Variants in DDAH1 observed in about 807,000 individuals in gnomAD.
The protein encoded by DDAH1 is N(G),N(G)-dimethylarginine dimethylaminohydrolase 1.
DDAH1 carries 19 observed loss-of-function variants against 28.8 expected under a neutral mutation model. The ratio of observed to expected loss-of-function variants is 0.66; its 90% CI spans 0.46 to 0.97. DDAH1 has a LOEUF of 0.97. Ranked by LOEUF, DDAH1 falls within the 50% of genes least tolerant of loss-of-function variation. The pLI, the probability that DDAH1 is intolerant of heterozygous loss-of-function variation, is 0.00. For synonymous variants in DDAH1, 153 were observed against 154.4 expected (o/e 0.99, Z 0.07); for missense variants, 326 against 375.9 (o/e 0.87, Z 1.10).
chr1:85,456,082 C>T (rs1167713318), intron 1 of DDAH1, among the ~76,000 whole-genome samples: 7 of 149,968 alleles, frequency 4.7e-5, no homozygotes, highest in African/African-American at 4.9e-5. Context: ...CCCTACAACC[C>T]GGGTTCCAAA....
chr1:85,506,868 A>T (rs1397386059), intron 1 of DDAH1, among the ~76,000 whole-genome samples: 2 of 152,180 alleles, frequency 1.3e-5, no homozygotes, highest in African/African-American at 4.8e-5. Context: ...AGACAGAAAC[A>T]TAGGAGGCCA....
At position 85,507,527 on chromosome 1, in the gene DDAH1, T is replaced by TAAATAAATAAATAAATAAAC. The variant is rs71075841; in HGVS notation, c.-122-11247_-122-11246insGTTTATTTATTTATTTATTT. On this transcript the variant is annotated intron_variant, in intron 1 of 6. Transcript: ENST00000426972. ...CACAATAAATAAATAAATAAATAAATAAACAAACAAACAGCATCTCCTAAA... is the reference window on the plus strand; with the variant it reads ...CACAATAAATAAATAAATAAATAAATAAATAAATAAATAAATAAACAAACAAACAAACAGCATCTCCTAAA... 7.5e-3 allele frequency among the ~76,000 whole-genome samples: 1,123 copies of TAAATAAATAAATAAATAAAC among 149,346 alleles called. 10 individuals are homozygous for TAAATAAATAAATAAATAAAC. Among genetic ancestry groups the TAAATAAATAAATAAATAAAC allele is most frequent in the South Asian group, 0.022 (104 of 4,630 alleles).
At chr1:85,384,247 CACAG>C (rs1339434783) in intron 1 of DDAH1, among the ~76,000 whole-genome samples, 1 of 152,158 alleles carries the variant, frequency 6.6e-6, no homozygotes, top group Non-Finnish European at 1.5e-5. Context: ...CTTATGCGTG[CACAG>C]ACAAATACAT....
At position 85,394,705 on chromosome 1, in the gene DDAH1, G is replaced by A. The variant is rs116389593; in HGVS notation, c.304-35858C>T. On this transcript the variant is annotated intron_variant, in intron 1 of 5. Coordinates refer to ENST00000284031, the MANE Select transcript of DDAH1 (RefSeq NM_012137.4). ...GAGATAGTGGCCAGCTTTGTTTAAC[G>A]ACCAATTGAAGCATAATTTTTAAGA... Among the ~76,000 whole-genome samples, 957 of 152,240 alleles carry A rather than the reference G, an allele frequency of 6.3e-3. 9 individuals are homozygous for A. Among genetic ancestry groups the A allele is most frequent in the African/African-American group, 0.022 (914 of 41,526 alleles).
intron 1 of DDAH1, among the ~76,000 whole-genome samples, chr1:85,553,653 A>T (rs1240005126): frequency 2.6e-5 from 4 of 152,246 alleles, no homozygotes; most frequent in African/African-American, 7.2e-5. Context: ...GGTCAGAGGC[A>T]TGAACAGATT....
rs550307646 is a variant in DDAH1 at position 85,321,065 on chromosome 1, G to GAAAAAAAAAAAAAAAAAA, written c.*369_*386dup. On this transcript the variant is annotated 3_prime_UTR_variant, in exon 6 of 6. Coordinates refer to ENST00000284031, the MANE Select transcript of DDAH1 (RefSeq NM_012137.4). Reference sequence around the variant, plus strand: ...TTCACAGGAACCAAACATGATTCATGAAAAAAAAAAAAAAAAAAAGCAAGC... The same window carrying GAAAAAAAAAAAAAAAAAA: ...TTCACAGGAACCAAACATGATTCATGAAAAAAAAAAAAAAAAAAAAAAAAAAAAAAAAAAAAAGCAAGC... 2 of 73,290 alleles carry GAAAAAAAAAAAAAAAAAA rather than the reference G, an allele frequency of 2.7e-5. No individual in the cohort carries two copies. The highest frequency in any genetic ancestry group is 5.2e-5 in the Non-Finnish European group (2 of 38,530). 4.5% of individuals were successfully genotyped at this position (73,290 alleles called of 1,614,324 possible). A position where few individuals can be genotyped will look rare whatever the true frequency, so the allele number is the denominator to read the frequency against.
At chr1:85,514,818 A>G (rs1657411284) in intron 1 of DDAH1, among the ~76,000 whole-genome samples, 2 of 152,146 alleles carry the variant, frequency 1.3e-5, no homozygotes, top group South Asian at 4.1e-4. Flanking sequence ...CTTCCTTGGT[A>G]TATCAAAATG....
chr1:85,419,106 T>G (rs1203195477), intron 1 of DDAH1, among the ~76,000 whole-genome samples: 1 of 152,146 alleles, frequency 6.6e-6, no homozygotes, highest in African/African-American at 2.4e-5. Flanking sequence ...ATGACAGATG[T>G]GATTGCTTTT....
intron 1 of DDAH1, among the ~76,000 whole-genome samples, chr1:85,527,662 A>G (rs1484341927): frequency 1.3e-5 from 2 of 152,156 alleles, no homozygotes; most frequent in Admixed American, 6.5e-5. Context: ...GGTACTATAT[A>G]AGTAGGTTAT....
At chr1:85,461,003 C>A (rs1021540535) in intron 1 of DDAH1, among the ~76,000 whole-genome samples, 15 of 152,110 alleles carry the variant, frequency 9.9e-5, no homozygotes, top group Non-Finnish European at 1.6e-4. Flanking sequence ...TAATCCCAGC[C>A]CTTTGGGAGG....
chr1:85,383,701 C>T (rs1415691956), intron 1 of DDAH1, among the ~76,000 whole-genome samples: 1 of 152,210 alleles, frequency 6.6e-6, no homozygotes, highest in Non-Finnish European at 1.5e-5. Context: ...AAAATTGCCA[C>T]AGTCACCTCA....
intron 1 of DDAH1, among the ~76,000 whole-genome samples, chr1:85,416,796 T>C (rs1652907337): frequency 6.6e-6 from 1 of 152,064 alleles, no homozygotes; most frequent in Non-Finnish European, 1.5e-5. Context: ...GTCTTCTGAG[T>C]AGCTGTGACC....
At chr1:85,555,527 C>T (rs1658936695) in intron 1 of DDAH1, among the ~76,000 whole-genome samples, 1 of 152,164 alleles carries the variant, frequency 6.6e-6, no homozygotes, top group South Asian at 2.1e-4. Context: ...TCCTCATCTA[C>T]TCGCCTCATT....
intron 1 of DDAH1, among the ~76,000 whole-genome samples, chr1:85,421,028 C>A (rs1031945272): frequency 6.6e-6 from 1 of 152,040 alleles, no homozygotes; most frequent in Non-Finnish European, 1.5e-5. Flanking sequence ...AGAGAAGGAG[C>A]AAAAGAGAGG....
chr1:85,323,798 C>T (rs1458604649), intron 5 of DDAH1, among the ~76,000 whole-genome samples: 5 of 151,620 alleles, frequency 3.3e-5, no homozygotes, highest in African/African-American at 1.2e-4. Flanking sequence ...TAAGGAGACC[C>T]CGTCTCTACA....
rs144239160 is a variant in DDAH1, at chr1:85,571,584, T to A, written c.-123+6400A>T. Reference sequence around the variant, plus strand: ...TGAAGCAAAGTCCATATATTATTCCTCTTTGCATTGCTGCCTAGCATGCAG... The same window carrying A: ...TGAAGCAAAGTCCATATATTATTCCACTTTGCATTGCTGCCTAGCATGCAG... On this transcript the variant is annotated intron_variant, in intron 1 of 6. Transcript: ENST00000426972. Among the ~76,000 whole-genome samples, 147 of 152,310 alleles carry A rather than the reference T, an allele frequency of 9.7e-4. 2 individuals are homozygous for A. In the East Asian group the frequency reaches 0.024, roughly 25 times the overall value.
Position 85,338,890 on chromosome 1 carries a change from T to A in DDAH1, c.597+11525A>T, listed in dbSNP as rs202221578. 1.9e-4 allele frequency among the ~76,000 whole-genome samples: 26 copies of A among 140,216 alleles called. No homozygotes were observed. The East Asian group carries it at 5.1e-3, about 28-fold the overall frequency. The allele number at this position is 140,216 out of a possible 152,430, so 92.0% of individuals were successfully genotyped here. A position where few individuals can be genotyped will look rare whatever the true frequency, so the allele number is the denominator to read the frequency against. ...CCCATCTCTACTAAAAAAAAAAAAA[T>A]ACAAAAATTAGCTGGGCGTGGTTGT... is the stretch of plus-strand genomic sequence containing the variant. On this transcript the variant is annotated intron_variant, in intron 4 of 5. Coordinates refer to ENST00000284031, the MANE Select transcript of DDAH1 (RefSeq NM_012137.4).
intron 4 of DDAH1, among the ~76,000 whole-genome samples, chr1:85,334,134 T>C (rs1049409850): frequency 2.4e-4 from 36 of 152,122 alleles, no homozygotes; most frequent in African/African-American, 8.0e-4. Context: ...TGATAGTGAG[T>C]GAGTTCTCAT....
rs1649195047 is a variant in DDAH1, at chr1:85,351,451, A to G, written c.477+55T>C. ...CTCATGACATTGATTCAATGGTTCT[A>G]TGATTATTTATTAAGTAATTGCTTT... On this transcript the variant is annotated intron_variant, in intron 3 of 5. Transcript: ENST00000284031. The G allele has an allele frequency of 2.6e-5, 35 of 1,364,566 alleles. No individual in the cohort carries two copies. In the South Asian group the frequency reaches 3.0e-4, roughly 12 times the overall value. 84.5% of individuals were successfully genotyped at this position (1,364,566 alleles called of 1,614,324 possible).
Sources: gnomAD v4.1 joint callset for allele counts (sites outside exome capture counted in the v4.1 genomes callset) on GRCh38, gnomAD v4.1.1 for gene constraint, MANE v1.5 for transcripts, NCBI Gene and HGNC (gene_info 2026-07-23, HGNC 2026-07-21) for gene names.